The following RSF1 variants were observed in gnomAD, a reference collection of about 807,000 sequenced individuals.
The protein encoded by RSF1 is remodeling and spacing factor 1.
RSF1 carries 13 observed loss-of-function variants against 145.2 expected under a neutral mutation model. The ratio of observed to expected loss-of-function variants is 0.09; its 90% CI spans 0.06 to 0.14. The LOEUF is 0.14. Among genes scored for constraint, RSF1 ranks in the 10% least tolerant of loss-of-function variants. RSF1 has a pLI of 1.00. For missense variants in RSF1, 1,517 were observed against 1,718.2 expected, an observed-to-expected ratio of 0.88 and a Z score of 2.07; for synonymous variants, 577 against 592.6, an observed-to-expected ratio of 0.97 and a Z score of 0.38.
intron 1 of RSF1, among the ~76,000 whole-genome samples, chr11:77,779,751 G>C (rs753585426): frequency 1.3e-5 from 2 of 152,176 alleles, no homozygotes; most frequent in Non-Finnish European, 2.9e-5. Context: ...TCAGGTAACA[G>C]AAAACCTTAC....
At chr11:77,729,488 G>A (rs1041752258) in intron 4 of RSF1, among the ~76,000 whole-genome samples, 1 of 151,754 alleles carries the variant, frequency 6.6e-6, no homozygotes, top group African/African-American at 2.4e-5. Context: ...TCCCAGCCTA[G>A]GAGTTGTTCA....
rs1959244316 is a variant in RSF1, at chr11:77,662,098, A to T, written c.*4819T>A. ...TTTGGCCAAAAAAGGAAAAAACAAAATTCCTTTAAAAATGTTTTTTTCTCA... is the reference window on the plus strand; with the variant it reads ...TTTGGCCAAAAAAGGAAAAAACAAATTTCCTTTAAAAATGTTTTTTTCTCA... On this transcript the variant is annotated 3_prime_UTR_variant, in exon 16 of 16. Coordinates refer to ENST00000308488, the MANE Select transcript of RSF1 (RefSeq NM_016578.4). 6.6e-6 allele frequency: 1 copy of T among 152,092 alleles called. No homozygotes were observed. The highest frequency in any genetic ancestry group is 1.5e-5 in the Non-Finnish European group (1 of 67,990). 9.4% of individuals were successfully genotyped at this position (152,092 alleles called of 1,614,324 possible). A position where few individuals can be genotyped will look rare whatever the true frequency, so the allele number is the denominator to read the frequency against.
intron 12 of RSF1, among the ~76,000 whole-genome samples, 168 bp downstream of exon 12, chr11:77,677,918 T>G (rs1959751549): frequency 6.6e-6 from 1 of 152,226 alleles, no homozygotes; most frequent in South Asian, 2.1e-4. Context: ...GTCTATACAC[T>G]GACATTGTAT....
chr11:77,674,048 A>G (rs1469636682), intron 14 of RSF1, among the ~76,000 whole-genome samples: 1 of 152,232 alleles, frequency 6.6e-6, no homozygotes, highest in Non-Finnish European at 1.5e-5. Flanking sequence ...TGTACTGTTA[A>G]TTAGGTAATA....
the RSF1 span, among the ~76,000 whole-genome samples, chr11:77,834,446 T>TTG: frequency 6.8e-6 from 1 of 147,610 alleles, no homozygotes; most frequent in Admixed American, 6.7e-5. Context: ...ATTTTGTTTT[T>TTG]TTTTTTTTTT....
chr11:77,692,448 T>C (rs1483964855), intron 8 of RSF1, among the ~76,000 whole-genome samples: 2 of 106,774 alleles, frequency 1.9e-5, no homozygotes, highest in African/African-American at 4.6e-5. Flanking sequence ...GTTTCACCGT[T>C]TTAGCCAGGA....
intron 5 of RSF1, among the ~76,000 whole-genome samples, chr11:77,705,700 C>T (rs999008151): frequency 1.2e-4 from 18 of 152,088 alleles, no homozygotes; most frequent in Non-Finnish European, 1.9e-4. Context: ...TTGCCCTTTT[C>T]CCTTCTTTGG....
chr11:77,694,330 C>T (rs1007759527), intron 7 of RSF1, among the ~76,000 whole-genome samples: 1 of 151,998 alleles, frequency 6.6e-6, no homozygotes, highest in Non-Finnish European at 1.5e-5. Flanking sequence ...CTGTAAGAAA[C>T]ACTCATGGTT....
the RSF1 span, among the ~76,000 whole-genome samples, chr11:77,826,829 G>A: frequency 6.6e-6 from 1 of 152,158 alleles, no homozygotes; most frequent in Non-Finnish European, 1.5e-5. Context: ...TTGGAGCTGG[G>A]TGCAATGGCT....
chr11:77,691,286 TC>T (rs1366719886), intron 8 of RSF1, 48 bp from the exon 9 acceptor site: 1 of 1,532,938 alleles, frequency 6.5e-7, no homozygotes. Context: ...CTTTTAGCAA[TC>T]ATTTATTACA....
At chr11:77,808,755 G>C (rs1413214259) in intron 1 of RSF1, among the ~76,000 whole-genome samples, 1 of 105,974 alleles carries the variant, frequency 9.4e-6, no homozygotes, top group African/African-American at 4.7e-5. Context: ...GGATGGTCTC[G>C]ATCTCCTGAC....
intron 3 of RSF1, among the ~76,000 whole-genome samples, chr11:77,744,553 C>T (rs550109137): frequency 6.6e-6 from 1 of 152,274 alleles, no homozygotes; most frequent in East Asian, 1.9e-4. Flanking sequence ...GATTCTCTTG[C>T]CTCAGCTTCC....
At chr11:77,730,933 G>T (rs997238379) in intron 4 of RSF1, among the ~76,000 whole-genome samples, 1 of 152,180 alleles carries the variant, frequency 6.6e-6, no homozygotes, top group Non-Finnish European at 1.5e-5. Context: ...TCAGCAGCAT[G>T]AAAACGGACT....
At chr11:77,856,680 C>T in the RSF1 span, among the ~76,000 whole-genome samples, 3 of 152,052 alleles carry the variant, frequency 2.0e-5, no homozygotes, top group Non-Finnish European at 1.5e-5. Flanking sequence ...ATGGCTGGAG[C>T]AAGAGGAAGA....
At chr11:77,780,793 A>AT (rs1278781985) in intron 1 of RSF1, among the ~76,000 whole-genome samples, 1 of 149,656 alleles carries the variant, frequency 6.7e-6, no homozygotes, top group Non-Finnish European at 1.5e-5. Context: ...CCACTGCACT[A>AT]CAGCCTGGGT....
chr11:77,832,318 C>T, the RSF1 span, among the ~76,000 whole-genome samples: 5 of 131,254 alleles, frequency 3.8e-5, no homozygotes, highest in African/African-American at 1.6e-4. Context: ...TGAAACTTCA[C>T]AAATAGAGGA....
intron 14 of RSF1, among the ~76,000 whole-genome samples, chr11:77,672,466 T>C (rs12222530): frequency 0.74 from 112,192 of 151,522 alleles, 42,148 homozygotes; most frequent in African/African-American, 0.88. Flanking sequence ...AAGAGATCCT[T>C]TGGCCTCAGC....
rs191315834 is a variant in RSF1 at position 77,719,622 on chromosome 11, A to T, written c.733+5923T>A. On this transcript the variant is annotated intron_variant, in intron 5 of 15. Coordinates refer to ENST00000308488, the MANE Select transcript of RSF1 (RefSeq NM_016578.4). ...TTTAAAAAATCAGTCATATGAAAAC[A>T]TATGTTCCCTCAAAAATTTGTATAT... Among the ~76,000 whole-genome samples the T allele has an allele frequency of 3.2e-3, 492 of 152,348 alleles. 3 individuals are homozygous for T. Among genetic ancestry groups the T allele is most frequent in the Non-Finnish European group, 5.9e-3 (399 of 68,036 alleles).
upstream of RSF1, among the ~76,000 whole-genome samples, chr11:77,821,735 G>A (rs1365871648): frequency 2.0e-5 from 3 of 152,068 alleles, no homozygotes; most frequent in Non-Finnish European, 4.4e-5. Context: ...GCGGGGCGGG[G>A]GCAGTGAACA....
Sources: allele counts gnomAD v4.1 joint callset (sites outside exome capture counted in the v4.1 genomes callset), GRCh38; gene constraint gnomAD v4.1.1; transcripts MANE v1.5; gene names NCBI Gene and HGNC (gene_info 2026-07-23, HGNC 2026-07-21).